Variants in DACH1 observed in about 807,000 individuals in gnomAD.
The protein encoded by DACH1 is dachshund homolog 1.
DACH1 carries 12 observed loss-of-function variants against 54.2 expected under a neutral mutation model. The observed-to-expected ratio is 0.22, with a 90% CI of 0.14 to 0.36. The LOEUF is 0.36. Among genes scored for constraint, DACH1 ranks in the 10% least tolerant of loss-of-function variants. DACH1 has a pLI of 1.00. For missense variants in DACH1, 805 were observed against 929.8 expected (o/e 0.87, Z 1.75); for synonymous variants, 386 against 366.2 (o/e 1.05, Z -0.62).
At chr13:71,829,910 G>A (rs763241779) in intron 1 of DACH1, among the ~76,000 whole-genome samples, 17 of 151,840 alleles carry the variant, frequency 1.1e-4, no homozygotes, top group Non-Finnish European at 2.2e-4. Flanking sequence ...AAAACAGATG[G>A]TTGTGCACAA....
At chr13:71,758,090 G>A (rs1168939607) in intron 1 of DACH1, among the ~76,000 whole-genome samples, 1 of 151,858 alleles carries the variant, frequency 6.6e-6, no homozygotes, top group Non-Finnish European at 1.5e-5. Context: ...TTGATTACCT[G>A]ACAACAATAT....
chr13:71,847,115 A>G (rs1008492365), intron 1 of DACH1, among the ~76,000 whole-genome samples: 2 of 152,206 alleles, frequency 1.3e-5, no homozygotes, highest in Non-Finnish European at 2.9e-5. Flanking sequence ...ATATACATAT[A>G]TGAAGTCTAT....
At chr13:71,658,364 A>G (rs1363253484) in intron 2 of DACH1, among the ~76,000 whole-genome samples, 1 of 152,182 alleles carries the variant, frequency 6.6e-6, no homozygotes, top group Non-Finnish European at 1.5e-5. Context: ...AGCCTGGCCA[A>G]CATGGTGAAA....
chr13:71,647,154 A>T (rs1878340625), intron 2 of DACH1, among the ~76,000 whole-genome samples: 1 of 152,226 alleles, frequency 6.6e-6, no homozygotes, highest in East Asian at 1.9e-4. Context: ...TGATACTTGG[A>T]TGACAACTGA....
At chr13:71,482,564 A>G (rs979675303) in intron 7 of DACH1, among the ~76,000 whole-genome samples, 3 of 152,186 alleles carry the variant, frequency 2.0e-5, no homozygotes, top group African/African-American at 7.2e-5. Context: ...AAATACTTTT[A>G]AAGATGAGAA....
chr13:71,604,744 G>A (rs1874752930), intron 3 of DACH1, among the ~76,000 whole-genome samples: 2 of 151,902 alleles, frequency 1.3e-5, no homozygotes, highest in African/African-American at 2.4e-5. Context: ...TGGCAATGGA[G>A]CAATTTCTCA....
At chr13:71,610,572 T>C (rs1215402510) in intron 3 of DACH1, among the ~76,000 whole-genome samples, 1 of 152,180 alleles carries the variant, frequency 6.6e-6, no homozygotes, top group Non-Finnish European at 1.5e-5. Context: ...ACATAGGCAC[T>C]GGCAAAGATT....
At chr13:71,645,155 A>C (rs1878178907) in intron 2 of DACH1, among the ~76,000 whole-genome samples, 1 of 152,252 alleles carries the variant, frequency 6.6e-6, no homozygotes, top group Admixed American at 6.5e-5. Flanking sequence ...GAAACCATAA[A>C]GTGCTACTCC....
In DACH1 at chr13:71,470,373, A is replaced by G. The variant is rs546312461; in HGVS notation, c.2083+4768T>C. 4.6e-5 allele frequency among the ~76,000 whole-genome samples: 7 copies of G among 151,158 alleles called. No homozygotes were observed. In the East Asian group the frequency reaches 7.9e-4, roughly 17 times the overall value. Reference sequence around the variant, plus strand: ...GCCCGGGCTGGAGTGCAGTGGTGCAACTTCGGCTCACTGCAACCTCTGCCT... The same window carrying G: ...GCCCGGGCTGGAGTGCAGTGGTGCAGCTTCGGCTCACTGCAACCTCTGCCT... On this transcript the variant is annotated intron_variant, in intron 10 of 10. Coordinates refer to ENST00000613252, the MANE Select transcript of DACH1 (RefSeq NM_080759.6).
In DACH1 at chr13:71,723,472, G is replaced by T. The variant is rs148387442; in HGVS notation, c.849-41562C>A. ...GTTAACATGGTTCCCCAAATATTTG[G>T]CATTATGTTTTAAGATATTTTATAA... On this transcript the variant is annotated intron_variant, in intron 1 of 10. Coordinates refer to ENST00000613252, the MANE Select transcript of DACH1 (RefSeq NM_080759.6). Among the ~76,000 whole-genome samples the T allele has an allele frequency of 6.6e-5, 10 of 152,078 alleles. 2 individuals are homozygous for T. Among genetic ancestry groups the T allele is most frequent in the African/African-American group, 2.4e-4 (10 of 41,486 alleles).
intron 2 of DACH1, among the ~76,000 whole-genome samples, chr13:71,663,079 G>A (rs1026737197): frequency 6.6e-6 from 1 of 151,552 alleles, no homozygotes; most frequent in African/African-American, 2.4e-5. Flanking sequence ...CAGATTTTCT[G>A]CAACAAGAAG....
intron 6 of DACH1, among the ~76,000 whole-genome samples, chr13:71,531,141 A>C (rs1882388076): frequency 6.6e-6 from 1 of 152,258 alleles, no homozygotes; most frequent in East Asian, 1.9e-4. Flanking sequence ...TGTCAATATG[A>C]ACATTTACAC....
chr13:71,654,163 G>A (rs1002372107), intron 2 of DACH1, among the ~76,000 whole-genome samples: 1 of 151,928 alleles, frequency 6.6e-6, no homozygotes, highest in African/African-American at 2.4e-5. Context: ...GGCTGAGGCG[G>A]GAAGATCACC....
intron 3 of DACH1, among the ~76,000 whole-genome samples, chr13:71,576,048 A>G (rs1241583769): frequency 6.8e-6 from 1 of 147,472 alleles, no homozygotes; most frequent in Non-Finnish European, 1.5e-5. Context: ...AGCACGATAT[A>G]AACCAGTATA....
chr13:71,843,733 A>C (rs899034169), intron 1 of DACH1, among the ~76,000 whole-genome samples: 1 of 152,154 alleles, frequency 6.6e-6, no homozygotes, highest in African/African-American at 2.4e-5. Flanking sequence ...AGTTCCCTTC[A>C]AATATATTAT....
At chr13:71,782,524 C>T (rs980130132) in intron 1 of DACH1, among the ~76,000 whole-genome samples, 2 of 151,846 alleles carry the variant, frequency 1.3e-5, no homozygotes, top group Non-Finnish European at 2.9e-5. Context: ...CTTATCCTTC[C>T]AGTAGTCCCA....
At chr13:71,646,273 C>T (rs1044723703) in intron 2 of DACH1, among the ~76,000 whole-genome samples, 2 of 150,668 alleles carry the variant, frequency 1.3e-5, no homozygotes, top group African/African-American at 4.9e-5. Context: ...GGAGGCAGAG[C>T]TTGCAGTGAG....
chr13:71,542,405 C>T (rs1168064919), intron 6 of DACH1, among the ~76,000 whole-genome samples: 1 of 152,098 alleles, frequency 6.6e-6, no homozygotes, highest in South Asian at 2.1e-4. Context: ...ATTCCTTAAT[C>T]ATCTGAGTTA....
At chr13:71,796,504 A>C (rs1594232962) in intron 1 of DACH1, among the ~76,000 whole-genome samples, 1 of 148,780 alleles carries the variant, frequency 6.7e-6, no homozygotes, top group African/African-American at 2.4e-5. Flanking sequence ...GAAATGCCAT[A>C]ATGTTTTGGT....
Sources: allele counts gnomAD v4.1 joint callset (sites outside exome capture counted in the v4.1 genomes callset), GRCh38; gene constraint gnomAD v4.1.1; transcripts MANE v1.5; gene names NCBI Gene and HGNC (gene_info 2026-07-23, HGNC 2026-07-21).